The following RUNX1 variants were observed in gnomAD, a reference collection of about 807,000 sequenced individuals.
The protein encoded by RUNX1 is RUNX family transcription factor 1, also known as runt-related transcription factor 1.
A neutral mutation model predicts 42.8 loss-of-function variants in RUNX1; 19 were observed. The observed-to-expected ratio is 0.44, with a 90% CI of 0.31 to 0.65. RUNX1 has a LOEUF of 0.65. RUNX1 is among the 30% of genes least tolerant of loss of function. RUNX1 has a pLI of 0.07. For missense variants in RUNX1, 528 were observed against 672.0 expected (o/e 0.79, Z 2.37); for synonymous variants, 271 against 289.4 (o/e 0.94, Z 0.64).
chr21:34,864,169 G>A (rs568161607), intron 5 of RUNX1, among the ~76,000 whole-genome samples: 1 of 152,334 alleles, frequency 6.6e-6, no homozygotes, highest in African/African-American at 2.4e-5. Flanking sequence ...CATGGCGGCT[G>A]GGACACAGCC....
At chr21:34,819,333 C>T (rs767468101) in intron 7 of RUNX1, among the ~76,000 whole-genome samples, 11 of 152,230 alleles carry the variant, frequency 7.2e-5, no homozygotes. Flanking sequence ...TGGCAAGAGC[C>T]ACACGCTATG....
At chr21:34,845,008 C>CA (rs1342060674) in intron 6 of RUNX1, among the ~76,000 whole-genome samples, 2 of 152,248 alleles carry the variant, frequency 1.3e-5, no homozygotes, top group Non-Finnish European at 2.9e-5. Context: ...TTGTTTGTGT[C>CA]ATGACAGCCT....
chr21:34,820,322 T>C (rs528945506), intron 7 of RUNX1, among the ~76,000 whole-genome samples: 1 of 152,056 alleles, frequency 6.6e-6, no homozygotes, highest in Non-Finnish European at 1.5e-5. Context: ...AGGTGTGGCT[T>C]TGAGGAGGAC....
intron 7 of RUNX1, among the ~76,000 whole-genome samples, chr21:34,803,563 T>A (rs868199487): frequency 7.0e-4 from 105 of 150,446 alleles, no homozygotes; most frequent in African/African-American, 2.5e-3. Flanking sequence ...AAAAAAATAA[T>A]AATAAATAAA....
At chr21:34,801,977 C>T (rs111862108) in intron 7 of RUNX1, among the ~76,000 whole-genome samples, 9,496 of 17,658 alleles carry the variant, frequency 0.54, 743 homozygotes, top group African/African-American at 0.55. Flanking sequence ...TTCTCACCTC[C>T]GAAGGAGGTG....
intron 2 of RUNX1, among the ~76,000 whole-genome samples, chr21:35,004,994 C>T (rs1289938099): frequency 1.3e-5 from 2 of 152,196 alleles, no homozygotes; most frequent in Non-Finnish European, 2.9e-5. Context: ...TTCTGTGCCA[C>T]AGTTTTAAGA....
intron 2 of RUNX1, among the ~76,000 whole-genome samples, chr21:35,037,839 G>A (rs952648146): frequency 6.6e-6 from 1 of 152,118 alleles, no homozygotes; most frequent in African/African-American, 2.4e-5. Flanking sequence ...ATTACTATCG[G>A]TTTTAAAGTT....
chr21:34,849,954 T>C (rs1225030843), intron 6 of RUNX1, among the ~76,000 whole-genome samples: 4 of 151,558 alleles, frequency 2.6e-5, no homozygotes, highest in African/African-American at 9.7e-5. Flanking sequence ...TTGGTGGTAG[T>C]AGTGGAGTTC....
intron 5 of RUNX1, among the ~76,000 whole-genome samples, chr21:34,871,404 A>C (rs2057735645): frequency 6.6e-6 from 1 of 152,174 alleles, no homozygotes; most frequent in South Asian, 2.1e-4. Context: ...AGATGTATAC[A>C]CGGAGAAGGA....
chr21:34,899,368 G>A (rs1283097547), intron 2 of RUNX1, among the ~76,000 whole-genome samples: 1 of 152,050 alleles, frequency 6.6e-6, no homozygotes, highest in Non-Finnish European at 1.5e-5. Context: ...CTCATGATGG[G>A]ATTAATGCTC....
At chr21:34,847,405 A>G (rs2057332107) in intron 6 of RUNX1, among the ~76,000 whole-genome samples, 1 of 152,226 alleles carries the variant, frequency 6.6e-6, no homozygotes, top group African/African-American at 2.4e-5. Context: ...CGACGAGATA[A>G]TATCTACTTT....
At chr21:34,952,849 T>C (rs910960616) in intron 2 of RUNX1, among the ~76,000 whole-genome samples, 1 of 152,158 alleles carries the variant, frequency 6.6e-6, no homozygotes, top group African/African-American at 2.4e-5. Flanking sequence ...CCAGGAGGTA[T>C]GTAGGTCTTT....
intron 2 of RUNX1, among the ~76,000 whole-genome samples, chr21:34,921,588 A>C (rs967082821): frequency 6.6e-6 from 1 of 152,200 alleles, no homozygotes; most frequent in African/African-American, 2.4e-5. Flanking sequence ...TGCTATGAAC[A>C]AGAGTGCACA....
intron 2 of RUNX1, among the ~76,000 whole-genome samples, chr21:35,000,236 C>CTTTTTT (rs397866864): frequency 2.5e-4 from 28 of 110,966 alleles, no homozygotes; most frequent in South Asian, 6.0e-4. Context: ...TTCTTTCTTT[C>CTTTTTT]TTTTTTTTTT....
chr21:34,796,581 G>A (rs1403063731), intron 8 of RUNX1, among the ~76,000 whole-genome samples: 1 of 152,190 alleles, frequency 6.6e-6, no homozygotes, highest in African/African-American at 2.4e-5. Context: ...GGTTGGAAGT[G>A]TTTTCCCATT....
In RUNX1 at chr21:34,843,846, G is replaced by A. The variant is rs537314148; in HGVS notation, c.614-9245C>T. 2.0e-5 allele frequency among the ~76,000 whole-genome samples: 3 copies of A among 152,250 alleles called. No individual in the cohort carries two copies. Among genetic ancestry groups the A allele is most frequent in the South Asian group, 2.1e-4 (1 of 4,824 alleles). On this transcript the variant is annotated intron_variant, in intron 6 of 8. Transcript: ENST00000675419. This position sits in a 1 kb window ranked among gnomAD's most constrained non-coding sequence, Gnocchi z 4.8. ...CTCAAAATCTAAATCTGCCATCCCC[G>A]GTCGCCAGGGCTCACTGTCCATTTC...
chr21:34,811,512 C>G (rs749478306), intron 7 of RUNX1, among the ~76,000 whole-genome samples: 1 of 152,238 alleles, frequency 6.6e-6, no homozygotes, highest in Non-Finnish European at 1.5e-5. Context: ...CGCCCTCTGA[C>G]CTGGCCGCTG....
At chr21:35,003,693 G>A (rs1276293372) in intron 2 of RUNX1, among the ~76,000 whole-genome samples, 1 of 152,088 alleles carries the variant, frequency 6.6e-6, no homozygotes, top group Non-Finnish European at 1.5e-5. Context: ...CCTCTTCAAG[G>A]CTTAGTTCCT....
intron 2 of RUNX1, among the ~76,000 whole-genome samples, chr21:35,026,531 G>GTTAT (rs776500977): frequency 1.5e-4 from 23 of 152,060 alleles, no homozygotes; most frequent in Non-Finnish European, 2.5e-4. Context: ...TTTTTAAATT[G>GTTAT]TTATTTATTT....
Sources: allele counts gnomAD v4.1 joint callset (sites outside exome capture counted in the v4.1 genomes callset), GRCh38; gene constraint gnomAD v4.1.1; non-coding constraint Gnocchi (gnomAD v3.1); transcripts MANE v1.5; gene names NCBI Gene and HGNC (gene_info 2026-07-23, HGNC 2026-07-21).